The following BRWD1 variants were observed in gnomAD, a reference collection of about 807,000 sequenced individuals.
BRWD1 encodes bromodomain and WD repeat domain containing 1, also known as bromodomain and WD repeat-containing protein 1.
Under a neutral mutation model 251.2 loss-of-function variants are expected in BRWD1, and 82 were observed. The ratio of observed to expected loss-of-function variants is 0.33; its 90% CI spans 0.27 to 0.39. The LOEUF is 0.39. Among genes scored for constraint, BRWD1 ranks in the 10% least tolerant of loss-of-function variants. The pLI is 1.00. For missense variants in BRWD1, 2,233 were observed against 2,711.6 expected (o/e 0.82, Z 3.92); for synonymous variants, 918 against 902.8 (o/e 1.02, Z -0.30).
intron 37 of BRWD1, among the ~76,000 whole-genome samples, chr21:39,205,166 C>T (rs752988055): frequency 6.6e-6 from 1 of 152,152 alleles, no homozygotes; most frequent in Non-Finnish European, 1.5e-5. Flanking sequence ...ATAACACAGT[C>T]TTAAATTTTT....
At chr21:39,304,032 T>TCAGG (rs1304275482) in intron 4 of BRWD1, among the ~76,000 whole-genome samples, 1 of 149,394 alleles carries the variant, frequency 6.7e-6, no homozygotes, top group African/African-American at 2.5e-5. Context: ...TCCCAGCTAC[T>TCAGG]CAGGAGGCTT....
intron 40 of BRWD1, among the ~76,000 whole-genome samples, chr21:39,197,819 C>A (rs1393438657): frequency 6.6e-6 from 1 of 152,166 alleles, no homozygotes; most frequent in Non-Finnish European, 1.5e-5. Flanking sequence ...TGCACTAGGA[C>A]TTGAGGACAG....
rs1568929986 is a variant in BRWD1, at chr21:39,264,635, A to G, written c.1710T>C (p.Asp570=). 12 of 1,612,664 alleles carry G rather than the reference A, an allele frequency of 7.4e-6. No homozygotes were observed. Among genetic ancestry groups the G allele is most frequent in the Non-Finnish European group, 9.3e-6 (11 of 1,179,296 alleles). Residue 570 remains aspartate, a synonymous_variant, in exon 17 of 41, where the codon GAT becomes GAC. Coordinates refer to ENST00000342449, the MANE Select transcript of BRWD1 (RefSeq NM_033656.4). ...GCTCATCTAAGACATAATTATTAGAATCTCTAATAAGTGGTCGATAGTCAG... is the reference window on the plus strand; with the variant it reads ...GCTCATCTAAGACATAATTATTAGAGTCTCTAATAAGTGGTCGATAGTCAG... ...FHTDYRPLIR[D]SNNYVLDEQT... is the part of the protein sequence containing the mutation.
At chr21:39,319,998 C>G (rs534108687) in intron 1 of BRWD1, among the ~76,000 whole-genome samples, 1 of 152,226 alleles carries the variant, frequency 6.6e-6, no homozygotes, top group African/African-American at 2.4e-5. Flanking sequence ...GCTGTCACCT[C>G]AAACCCAAAC....
chr21:39,217,069 ATATATATATATATATTTTTTTT>A (rs2032965928), intron 31 of BRWD1: 2 of 8,780 alleles, frequency 2.3e-4, no homozygotes, highest in African/African-American at 8.6e-4. Flanking sequence ...ATATATATAT[ATATATATATATATATTTTTTTT>A]TTTTTTTTTT....
intron 8 of BRWD1, among the ~76,000 whole-genome samples, chr21:39,287,535 T>C (rs2035679064): frequency 1.3e-5 from 2 of 152,212 alleles, no homozygotes; most frequent in African/African-American, 4.8e-5. Flanking sequence ...TAACCTTCAA[T>C]TTTCCTTTAT....
intron 21 of BRWD1, among the ~76,000 whole-genome samples, chr21:39,243,565 A>G (rs2034075174): frequency 6.6e-6 from 1 of 152,078 alleles, no homozygotes; most frequent in African/African-American, 2.4e-5. Flanking sequence ...CCTGCCTCAG[A>G]TTCCAGAGAA....
At chr21:39,203,394 C>T (rs2032206910) in intron 37 of BRWD1, among the ~76,000 whole-genome samples, 1 of 149,584 alleles carries the variant, frequency 6.7e-6, no homozygotes, top group Admixed American at 6.7e-5. Flanking sequence ...ACATTATGAT[C>T]ACACCATGCA....
intron 4 of BRWD1, among the ~76,000 whole-genome samples, chr21:39,304,665 TAAA>T (rs2036228649): frequency 6.6e-6 from 1 of 150,898 alleles, no homozygotes; most frequent in Admixed American, 6.6e-5. Flanking sequence ...AGAATGCACA[TAAA>T]ACTACACGCT....
intron 13 of BRWD1, among the ~76,000 whole-genome samples, chr21:39,272,761 C>A (rs1323082242): frequency 2.6e-5 from 4 of 152,026 alleles, no homozygotes; most frequent in East Asian, 3.9e-4. Context: ...GCGCATGCCA[C>A]CATATCCGGC....
chr21:39,297,771 T>C (rs1282876528), intron 5 of BRWD1: 3 of 638,200 alleles, frequency 4.7e-6, no homozygotes, highest in Non-Finnish European at 5.8e-6. Flanking sequence ...TGGGATGAAC[T>C]TGATGTATAC....
At chr21:39,260,244 G>A (rs981212562) in intron 17 of BRWD1, among the ~76,000 whole-genome samples, 8 of 151,270 alleles carry the variant, frequency 5.3e-5, no homozygotes, top group Admixed American at 2.6e-4. Flanking sequence ...AAGGGAAAAC[G>A]GCAAAGAAGA....
At chr21:39,259,589 G>C (rs1410241892) in intron 17 of BRWD1, among the ~76,000 whole-genome samples, 5 of 152,118 alleles carry the variant, frequency 3.3e-5, no homozygotes, top group African/African-American at 1.2e-4. Context: ...GGGCGTGGTG[G>C]CTCACATCTG....
intron 3 of BRWD1, 38 bp from the exon 4 acceptor site, chr21:39,312,938 CCGGCGCGGGGGGGGCG>C: frequency 9.8e-7 from 1 of 1,025,366 alleles, no homozygotes; most frequent in African/African-American, 2.8e-5. Flanking sequence ...GACCACCCCT[CCGGCGCGGGGGGGGCG>C]GGGGGCGGGG....
rs1019357543 is a variant in BRWD1, at chr21:39,197,211, A to G, written c.5858T>C (p.Val1953Ala). The G allele has an allele frequency of 1.2e-6, 2 of 1,614,058 alleles. No homozygotes were observed. The highest frequency in any genetic ancestry group is 3.3e-5 in the Admixed American group (2 of 60,022). Reference protein sequence around the residue: ...SDVEDVSLENVHTRSKNGRKK... With the variant: ...SDVEDVSLENAHTRSKNGRKK... ...CCTTCCATTTTTGCTTCTAGTGTGC[A>G]CATTTTCTAAACTGACATCTTCTAC... The change falls in exon 41 of 41, where the codon GTG (valine) becomes GCG (alanine). Residue 1953 changes from valine (V) to alanine (A), a missense_variant. Val to Ala is a moderately conservative substitution (Grantham distance 64). Around this residue, in one of 12 missense-constraint regions of BRWD1, gnomAD observed 928 missense variants for 970.0 expected, o/e 0.96. Transcript: ENST00000342449.
At chr21:39,208,331 C>T (rs957186435) in intron 36 of BRWD1, among the ~76,000 whole-genome samples, 2 of 152,072 alleles carry the variant, frequency 1.3e-5, no homozygotes, top group Admixed American at 6.5e-5. Context: ...AGCTTGGAAA[C>T]GTTAGCCTTG....
intron 29 of BRWD1, among the ~76,000 whole-genome samples, chr21:39,222,665 T>A (rs1313377759): frequency 6.6e-6 from 1 of 152,184 alleles, no homozygotes; most frequent in African/African-American, 2.4e-5. Flanking sequence ...GGAGAAGATG[T>A]ATCTTATAGT....
In BRWD1 at chr21:39,187,363, T is replaced by C. The variant is rs772575818; in HGVS notation, c.*8896A>G. ...AGGCATCTGCACTGCATCCTTCTGATTATGCATACATGTTCTCACTTTTGT... is the reference window on the plus strand; with the variant it reads ...AGGCATCTGCACTGCATCCTTCTGACTATGCATACATGTTCTCACTTTTGT... On this transcript the variant is annotated 3_prime_UTR_variant, in exon 41 of 41. Coordinates refer to ENST00000342449, the MANE Select transcript of BRWD1 (RefSeq NM_033656.4). The C allele has an allele frequency of 6.2e-7, 1 of 1,612,250 alleles. No homozygotes were observed. Among genetic ancestry groups the C allele is most frequent in the Non-Finnish European group, 8.5e-7 (1 of 1,179,472 alleles).
At chr21:39,304,161 A>AG (rs909373843) in intron 4 of BRWD1, among the ~76,000 whole-genome samples, 2 of 150,698 alleles carry the variant, frequency 1.3e-5, no homozygotes, top group Non-Finnish European at 1.5e-5. Context: ...AAAAAAAAAA[A>AG]AGAGAAATAC....
Sources: gnomAD v4.1 joint callset for allele counts (sites outside exome capture counted in the v4.1 genomes callset) on GRCh38, gnomAD v4.1.1 for gene constraint, gnomAD v4.1.1 regional missense constraint, MANE v1.5 for transcripts, NCBI Gene and HGNC (gene_info 2026-07-23, HGNC 2026-07-21) for gene names.